USP7: variants seen among roughly 807,000 people sequenced by gnomAD.
USP7 encodes ubiquitin C-terminal hydrolase 7.
Under a neutral mutation model 162.9 loss-of-function variants are expected in USP7, and 9 were observed. That is an observed-to-expected ratio of 0.06 (90% CI 0.03 to 0.10). The LOEUF is 0.10. Among genes scored for constraint, USP7 ranks in the 10% least tolerant of loss-of-function variants. The pLI, the probability that USP7 is intolerant of heterozygous loss-of-function variation, is 1.00. For missense variants in USP7, 715 were observed against 1,373.7 expected, an observed-to-expected ratio of 0.52 and a Z score of 7.58; for synonymous variants, 562 against 475.9, an observed-to-expected ratio of 1.18 and a Z score of -2.35.
rs2061638888 is a variant in USP7, at chr16:8,893,734, G to A, written c.*264C>T. 7.4e-6 allele frequency: 3 copies of A among 405,502 alleles called. No individual in the cohort carries two copies. Among genetic ancestry groups the A allele is most frequent in the Non-Finnish European group, 1.4e-5 (3 of 215,240 alleles). The allele number at this position is 405,502 out of a possible 1,614,324, so 25.1% of individuals were successfully genotyped here. On this transcript the variant is annotated 3_prime_UTR_variant, in exon 31 of 31. Transcript: ENST00000344836. ...ATCCACTAACCTCTTCTCCCCCATTGCGCTGACAGTTGCCTTGCACTGTGG... is the reference window on the plus strand; with the variant it reads ...ATCCACTAACCTCTTCTCCCCCATTACGCTGACAGTTGCCTTGCACTGTGG...
chr16:8,896,649 T>C (rs925566375), intron 26 of USP7, among the ~76,000 whole-genome samples: 1 of 152,198 alleles, frequency 6.6e-6, no homozygotes, highest in South Asian at 2.1e-4. Context: ...AATGGAATCG[T>C]ATCCTTCCTC....
intron 1 of USP7, among the ~76,000 whole-genome samples, chr16:8,944,907 A>C (rs1322234330): frequency 6.6e-6 from 1 of 151,540 alleles, no homozygotes; most frequent in Admixed American, 6.6e-5. Flanking sequence ...CAGGAGTTCG[A>C]GATCAGCCTG....
rs201497079 is a variant in USP7, at chr16:8,930,349, T to C, written c.128A>G (p.Asn43Ser). 3 of 1,613,766 alleles carry C rather than the reference T, an allele frequency of 1.9e-6. No homozygotes were observed. The highest frequency in any genetic ancestry group is 2.5e-6 in the Non-Finnish European group (3 of 1,179,852). Residue 43 changes from asparagine (N) to serine (S), a missense_variant, in exon 2 of 31, where the codon AAT becomes AGT. By Grantham distance (46) the Asn-to-Ser change is conservative. Coordinates refer to ENST00000344836, the MANE Select transcript of USP7 (RefSeq NM_003470.3). Reference sequence around the variant, plus strand: ...TCCATCACTCAGGGCCACATTCCCATTGATCACAGGGTTCTGAGTAATTCT... The same window carrying C: ...TCCATCACTCAGGGCCACATTCCCACTGATCACAGGGTTCTGAGTAATTCT... ...PPRITQNPVINGNVALSDGHN... is the reference protein window; with the variant it reads ...PPRITQNPVISGNVALSDGHN...
At chr16:8,941,547 T>C (rs1413708578) in intron 1 of USP7, among the ~76,000 whole-genome samples, 1 of 152,208 alleles carries the variant, frequency 6.6e-6, no homozygotes, top group East Asian at 1.9e-4. Context: ...CCAAAACACA[T>C]TTCGGCTTTT....
At position 8,923,230 on chromosome 16, in the gene USP7, G is replaced by C; in HGVS notation, c.368C>G (p.Ala123Gly). The change falls in exon 3 of 31, where the codon GCT (alanine) becomes GGT (glycine). Residue 123 changes from alanine to glycine, a missense_variant. This residue lies in a region of USP7 where 35 missense variants were observed against 101.0 expected (regional missense o/e 0.35). Coordinates refer to ENST00000344836, the MANE Select transcript of USP7 (RefSeq NM_003470.3). ...KSVGFFLQCN[A>G]ESDSTSWSCH... ...ACTGTCTTACGTGGAATCAGATTCA[G>C]CATTGCACTGGAGAAAGAATCCTAC... 1 of 338,258 alleles carries C rather than the reference G, an allele frequency of 3.0e-6. No individual in the cohort carries two copies. Among genetic ancestry groups the C allele is most frequent in the Non-Finnish European group, 4.4e-6 (1 of 224,874 alleles). 21.0% of individuals were successfully genotyped at this position (338,258 alleles called of 1,614,324 possible). A position where few individuals can be genotyped will look rare whatever the true frequency, so the allele number is the denominator to read the frequency against.
intron 13 of USP7, 31 bp downstream of exon 13, chr16:8,906,395 C>A: frequency 6.3e-7 from 1 of 1,599,600 alleles, no homozygotes; most frequent in South Asian, 1.1e-5. Flanking sequence ...TTCTGATGAG[C>A]TTGCATTCAG....
chr16:8,901,308 A>G (rs1397400019), intron 18 of USP7, 74 bp from the exon 19 acceptor site: 2 of 953,460 alleles, frequency 2.1e-6, no homozygotes, highest in East Asian at 2.6e-5. Context: ...AAAAACAAAC[A>G]AACAAAAAAA....
chr16:8,962,268 G>A (rs572090440), intron 1 of USP7, among the ~76,000 whole-genome samples: 2 of 152,302 alleles, frequency 1.3e-5, no homozygotes, highest in East Asian at 3.9e-4. Flanking sequence ...CGTCACGTAG[G>A]TAAGAAAACT....
At chr16:8,908,988 C>T (rs995667637) in intron 11 of USP7, among the ~76,000 whole-genome samples, 13 of 152,174 alleles carry the variant, frequency 8.5e-5, no homozygotes, top group African/African-American at 2.9e-4. Context: ...TCACAGGGCA[C>T]GCCCTTAGGG....
chr16:8,896,600 A>T, intron 26 of USP7, among the ~76,000 whole-genome samples: 1 of 152,146 alleles, frequency 6.6e-6, no homozygotes, highest in East Asian at 1.9e-4. Flanking sequence ...TCAAATACAA[A>T]ATCAGGAGTC....
intron 3 of USP7, 94 bp from the exon 4 acceptor site, chr16:8,921,389 T>C (rs1408816446): frequency 7.1e-6 from 10 of 1,404,058 alleles, no homozygotes; most frequent in Non-Finnish European, 9.7e-6. Flanking sequence ...AAAATTCCCA[T>C]TTATGATTTC....
At chr16:8,960,413 A>C (rs1899965440) in intron 1 of USP7, among the ~76,000 whole-genome samples, 1 of 152,218 alleles carries the variant, frequency 6.6e-6, no homozygotes, top group Non-Finnish European at 1.5e-5. Flanking sequence ...GACTGTGCAG[A>C]GTTCACTCAA....
chr16:8,918,365 A>C (rs1054917024), intron 6 of USP7, among the ~76,000 whole-genome samples: 1 of 152,248 alleles, frequency 6.6e-6, no homozygotes, highest in East Asian at 1.9e-4. Flanking sequence ...ATGTATGTCT[A>C]TTCTTTTTGT....
chr16:8,921,723 T>G (rs1897698967), intron 3 of USP7, among the ~76,000 whole-genome samples: 1 of 152,152 alleles, frequency 6.6e-6, no homozygotes, highest in Non-Finnish European at 1.5e-5. Context: ...CTCTGTGGCC[T>G]TAGAGCTTGC....
chr16:8,898,796 T>A, intron 23 of USP7, 157 bp from the exon 24 acceptor site: 4 of 642,560 alleles, frequency 6.2e-6, no homozygotes, highest in South Asian at 2.1e-5. Context: ...TCCCAAGAAC[T>A]AAGTCCCACT....
At chr16:8,959,650 G>T (rs1430294556) in intron 1 of USP7, among the ~76,000 whole-genome samples, 3 of 152,182 alleles carry the variant, frequency 2.0e-5, no homozygotes, top group Non-Finnish European at 2.9e-5. Flanking sequence ...CGAATTATTT[G>T]ACTTTTGTCT....
chr16:8,944,258 ACTGGCTGAGGCTTGACACCC>A (rs1899182043), intron 1 of USP7, among the ~76,000 whole-genome samples: 2 of 151,326 alleles, frequency 1.3e-5, no homozygotes, highest in Non-Finnish European at 2.9e-5. Flanking sequence ...CAGCCAAAAT[ACTGGCTGAGGCTTGACACCC>A]CCTTGGCAGC....
In USP7 at chr16:8,893,041, G is replaced by A. The variant is rs1356734923; in HGVS notation, c.*957C>T. 6.6e-6 allele frequency: 1 copy of A among 152,142 alleles called. No homozygotes were observed. The highest frequency in any genetic ancestry group is 1.5e-5 in the Non-Finnish European group (1 of 68,030). 9.4% of individuals were successfully genotyped at this position (152,142 alleles called of 1,614,324 possible). A position where few individuals can be genotyped will look rare whatever the true frequency, so the allele number is the denominator to read the frequency against. On this transcript the variant is annotated 3_prime_UTR_variant, in exon 31 of 31. Coordinates refer to ENST00000344836, the MANE Select transcript of USP7 (RefSeq NM_003470.3). The stretch of plus-strand genomic sequence containing the variant: ...TCAACATCAGTGAAATTCACTTGCA[G>A]ACTCACCCAACAAAAAGGAACCTCC...
Position 8,960,650 on chromosome 16 carries a change from G to A in USP7, c.79+2557C>T, listed in dbSNP as rs897057739. On this transcript the variant is annotated intron_variant, in intron 1 of 30. Coordinates refer to ENST00000344836, the MANE Select transcript of USP7 (RefSeq NM_003470.3). The stretch of plus-strand genomic sequence containing the variant: ...AGGAACCGAGGCAGACACTGAACAG[G>A]TGCCAAGTCTCTAGCTCTGACCAGG... 3.3e-5 allele frequency among the ~76,000 whole-genome samples: 5 copies of A among 152,310 alleles called. No individual in the cohort carries two copies. The East Asian group carries it at 7.7e-4, about 23-fold the overall frequency.
Sources: allele counts gnomAD v4.1 joint callset (sites outside exome capture counted in the v4.1 genomes callset), GRCh38; gene constraint gnomAD v4.1.1; regional missense constraint gnomAD v4.1.1; transcripts MANE v1.5; gene names NCBI Gene and HGNC (gene_info 2026-07-23, HGNC 2026-07-21).